PGM5: variants seen among roughly 807,000 people sequenced by gnomAD.
PGM5 encodes the protein phosphoglucomutase 5.
In PGM5, 23 loss-of-function variants were observed where a neutral mutation model predicts 59.2. The ratio of observed to expected loss-of-function variants is 0.39; its 90% CI spans 0.28 to 0.55. The LOEUF (loss-of-function observed/expected upper bound fraction) is 0.55. Among genes scored for constraint, PGM5 ranks in the 20% least tolerant of loss-of-function variants. The pLI, the probability that PGM5 is intolerant of heterozygous loss-of-function variation, is 0.66. For synonymous variants in PGM5, 214 were observed against 286.0 expected, an observed-to-expected ratio of 0.75 and a Z score of 2.54; for missense variants, 574 against 748.3, an observed-to-expected ratio of 0.77 and a Z score of 2.72.
Position 68,357,235 on chromosome 9 carries a change from C to G in PGM5, c.108C>G (p.Gly36=), listed in dbSNP as rs1834470572. ...GGCGACCCACCGGCCTCTTCGAGGG[C>G]CAGCGCAACTACCTGCCCAACTTTA... ...GLRRPTGLFE[G]QRNYLPNFIQ... Residue 36 remains glycine (G), a synonymous_variant, in exon 1 of 11, where the codon GGC becomes GGG. Coordinates refer to ENST00000396396, the MANE Select transcript of PGM5 (RefSeq NM_021965.4). 6.5e-7 allele frequency: 1 copy of G among 1,542,224 alleles called. No homozygotes were observed. Among genetic ancestry groups the G allele is most frequent in the African/African-American group, 1.4e-5 (1 of 73,058 alleles).
chr9:68,402,939 T>A (rs1461979531), intron 6 of PGM5, among the ~76,000 whole-genome samples: 1 of 152,206 alleles, frequency 6.6e-6, no homozygotes. Flanking sequence ...CTTAAATGCT[T>A]GCTAAATATC....
chr9:68,528,891 C>T (rs566743000), intron 10 of PGM5, among the ~76,000 whole-genome samples: 12 of 152,276 alleles, frequency 7.9e-5, no homozygotes, highest in African/African-American at 2.4e-4. Context: ...GAAAACAATG[C>T]CTCAATCCCA....
intron 6 of PGM5, among the ~76,000 whole-genome samples, chr9:68,422,620 A>C (rs1369488369): frequency 1.3e-5 from 2 of 152,092 alleles, no homozygotes; most frequent in South Asian, 2.1e-4. Context: ...ATTCATCTAG[A>C]AAAGTAAGAA....
chr9:68,524,106 G>A (rs570398474), intron 10 of PGM5, among the ~76,000 whole-genome samples: 13 of 152,224 alleles, frequency 8.5e-5, no homozygotes, highest in Admixed American at 1.3e-4. Context: ...AGGGAGTATG[G>A]ACAAGTTAAA....
rs781972296 is a variant in PGM5, at chr9:68,479,410, A to G, written c.1160-8A>G. The G allele has an allele frequency of 2.5e-6, 4 of 1,589,762 alleles. No individual in the cohort carries two copies. Among genetic ancestry groups the G allele is most frequent in the Non-Finnish European group, 2.6e-6 (3 of 1,172,182 alleles). ...GAATGCTCAGCAGAATTTTTCTTTC[A>G]CCTTTAGGCTCTGACCACCTCCGAG... On this transcript the variant is annotated splice_region_variant and splice_polypyrimidine_tract_variant and intron_variant, in intron 7 of 10. Transcript: ENST00000396396.
At chr9:68,509,199 G>A (rs1016720602) in intron 10 of PGM5, among the ~76,000 whole-genome samples, 1 of 152,238 alleles carries the variant, frequency 6.6e-6, no homozygotes, top group Non-Finnish European at 1.5e-5. Flanking sequence ...AGATGCAGGT[G>A]AGGGAGTTTC....
In PGM5 at chr9:68,436,799, A is replaced by G. The variant is rs180719353; in HGVS notation, c.1044-28294A>G. ...TTACAGAAGATGAAACCAGAGCTCA[A>G]GGTCATGTTTTAGTAAAGTGAAGGT... On this transcript the variant is annotated intron_variant, in intron 6 of 10. Coordinates refer to ENST00000396396, the MANE Select transcript of PGM5 (RefSeq NM_021965.4). Among the ~76,000 whole-genome samples, 28 of 152,346 alleles carry G rather than the reference A, an allele frequency of 1.8e-4. 1 individual carries two copies. In the East Asian group the frequency reaches 5.0e-3, roughly 27 times the overall value.
At chr9:68,526,485 A>T (rs1439084043) in intron 10 of PGM5, among the ~76,000 whole-genome samples, 1 of 152,250 alleles carries the variant, frequency 6.6e-6, no homozygotes, top group Non-Finnish European at 1.5e-5. Flanking sequence ...TCCACTATAC[A>T]CATAGATATC....
At chr9:68,399,499 C>G (rs1822610157) in intron 6 of PGM5, among the ~76,000 whole-genome samples, 1 of 152,000 alleles carries the variant, frequency 6.6e-6, no homozygotes, top group Non-Finnish European at 1.5e-5. Context: ...ATCCAGTAGA[C>G]TAGATAGAGA....
At chr9:68,374,103 A>G (rs1554677359) in intron 1 of PGM5, among the ~76,000 whole-genome samples, 1 of 152,302 alleles carries the variant, frequency 6.6e-6, no homozygotes, top group Non-Finnish European at 1.5e-5. Context: ...TGTGCTATGG[A>G]AGGGCTTCCT....
chr9:68,396,490 A>T (rs1279734757), intron 6 of PGM5: 2 of 152,164 alleles, frequency 1.3e-5, no homozygotes, highest in Non-Finnish European at 2.9e-5. Context: ...ATTTCCCAGT[A>T]GTTCTTGATT....
intron 6 of PGM5, among the ~76,000 whole-genome samples, chr9:68,442,283 T>C (rs1202163916): frequency 2.0e-5 from 3 of 152,016 alleles, no homozygotes; most frequent in Middle Eastern, 3.4e-3. Context: ...AATCACACTT[T>C]ATTTTTTTCT....
In PGM5 at chr9:68,378,237, G is replaced by C; in HGVS notation, c.300G>C (p.Ser100=). The C allele has an allele frequency of 1.9e-6, 3 of 1,561,796 alleles. No individual in the cohort carries two copies. The highest frequency in any genetic ancestry group is 2.6e-6 in the Non-Finnish European group (3 of 1,155,576). The change falls in exon 2 of 11, where the codon TCG becomes TCC. Residue 100 remains serine, a synonymous_variant. Coordinates refer to ENST00000396396, the MANE Select transcript of PGM5 (RefSeq NM_021965.4). ...TTATTGGACAGAATGGCATCTTGTC[G>C]ACACCTGCGGTCTCCTGCATTATCA... is the stretch of plus-strand genomic sequence containing the variant. ...RLIIGQNGIL[S]TPAVSCIIRK...
intron 10 of PGM5, among the ~76,000 whole-genome samples, chr9:68,526,095 T>C (rs902677410): frequency 1.3e-4 from 20 of 152,008 alleles, no homozygotes; most frequent in African/African-American, 4.6e-4. Flanking sequence ...GGAGCTTAAC[T>C]TGAAGTTTCC....
At chr9:68,393,803 C>A (rs1208120346) in intron 6 of PGM5, 1 of 152,006 alleles carries the variant, frequency 6.6e-6, no homozygotes, top group East Asian at 1.9e-4. Flanking sequence ...CACAAAAGAC[C>A]TGTATAATAA....
At chr9:68,517,561 T>C (rs944098836) in intron 10 of PGM5, among the ~76,000 whole-genome samples, 2 of 152,134 alleles carry the variant, frequency 1.3e-5, no homozygotes, top group African/African-American at 4.8e-5. Flanking sequence ...TTTAAGACAA[T>C]AGAGCATGGT....
intron 6 of PGM5, among the ~76,000 whole-genome samples, chr9:68,415,135 G>C (rs1453698849): frequency 6.7e-6 from 1 of 149,392 alleles, no homozygotes; most frequent in Non-Finnish European, 1.5e-5. Context: ...TGCAAAGTCT[G>C]TCTGGCTTCC....
chr9:68,500,821 G>GC (rs1554688611), intron 10 of PGM5, among the ~76,000 whole-genome samples: 1 of 152,034 alleles, frequency 6.6e-6, no homozygotes, highest in African/African-American at 2.4e-5. Context: ...TTCCCTATTT[G>GC]CACAGGGCAA....
chr9:68,383,127 ATCT>A (rs1822119586), intron 2 of PGM5, among the ~76,000 whole-genome samples: 1 of 151,806 alleles, frequency 6.6e-6, no homozygotes, highest in East Asian at 1.9e-4. Context: ...TGTTGGTAAA[ATCT>A]TCTGGGCTGT....
Sources: allele counts gnomAD v4.1 joint callset (sites outside exome capture counted in the v4.1 genomes callset), GRCh38; gene constraint gnomAD v4.1.1; transcripts MANE v1.5; gene names NCBI Gene and HGNC (gene_info 2026-07-23, HGNC 2026-07-21).